C5AR2: variants seen among roughly 807,000 people sequenced by gnomAD.
The protein encoded by C5AR2 is complement C5a receptor 2.
For missense variants in C5AR2, 458 were observed against 467.5 expected, an observed-to-expected ratio of 0.98 and a Z score of 0.19; for synonymous variants, 224 against 216.5, an observed-to-expected ratio of 1.03 and a Z score of -0.30.
chr19:47,335,770 T>TTAAAA (rs1292561661), intron 1 of C5AR2, among the ~76,000 whole-genome samples: 1 of 366 alleles, frequency 2.7e-3, no homozygotes, highest in Non-Finnish European at 6.8e-3. Context: ...ATACTCCGTC[T>TTAAAA]CAAAAAAAAA....
chr19:47,340,579 C>T (rs1461320045), intron 1 of C5AR2, among the ~76,000 whole-genome samples: 3 of 152,096 alleles, frequency 2.0e-5, no homozygotes, highest in Non-Finnish European at 4.4e-5. Flanking sequence ...AAGTGATCCA[C>T]CTGTCTTGGC....
chr19:47,337,389 C>A (rs2059362308), intron 1 of C5AR2, among the ~76,000 whole-genome samples: 1 of 152,144 alleles, frequency 6.6e-6, no homozygotes. Context: ...TAGGGCTGGG[C>A]GCGGTGGCTC....
rs1179469956 is a variant in C5AR2 at position 47,343,894 on chromosome 19, A to C, written c.*2081A>C. On this transcript the variant is annotated 3_prime_UTR_variant, in exon 2 of 2. Coordinates refer to ENST00000595464, the MANE Select transcript of C5AR2 (RefSeq NM_001271749.2). ...ATTTCAAATTTAGTTCCTCGGGCACACTGGCCATAGTTCAAGTGCTCAGTA... is the reference window on the plus strand; with the variant it reads ...ATTTCAAATTTAGTTCCTCGGGCACCCTGGCCATAGTTCAAGTGCTCAGTA... 2.0e-5 allele frequency: 3 copies of C among 152,166 alleles called. No homozygotes were observed. Among genetic ancestry groups the C allele is most frequent in the Admixed American group, 6.6e-5 (1 of 15,252 alleles). The allele number at this position is 152,166 out of a possible 1,614,324, so 9.4% of individuals were successfully genotyped here.
intron 1 of C5AR2, among the ~76,000 whole-genome samples, chr19:47,340,488 C>G (rs997853955): frequency 6.6e-6 from 1 of 151,778 alleles, no homozygotes; most frequent in African/African-American, 2.4e-5. Flanking sequence ...TACAGGTGCC[C>G]GCCACCACAC....
intron 1 of C5AR2, among the ~76,000 whole-genome samples, chr19:47,338,245 A>C (rs1011123344): frequency 6.9e-6 from 1 of 144,142 alleles, no homozygotes. Context: ...ACTGCACTCC[A>C]GCGTTGGCAA....
Position 47,343,724 on chromosome 19 carries a change from G to T in C5AR2, c.*1911G>T, listed in dbSNP as rs1188099941. Reference sequence around the variant, plus strand: ...AGGAGGGAGTTGCTTGAATCCTTCTGCTTCAATCCTCCTTAAAGCAGGTAG... The same window carrying T: ...AGGAGGGAGTTGCTTGAATCCTTCTTCTTCAATCCTCCTTAAAGCAGGTAG... On this transcript the variant is annotated 3_prime_UTR_variant, in exon 2 of 2. Coordinates refer to ENST00000595464, the MANE Select transcript of C5AR2 (RefSeq NM_001271749.2). 1 of 151,926 alleles carries T rather than the reference G, an allele frequency of 6.6e-6. No individual in the cohort carries two copies. Among genetic ancestry groups the T allele is most frequent in the Non-Finnish European group, 1.5e-5 (1 of 68,012 alleles). 9.4% of individuals were successfully genotyped at this position (151,926 alleles called of 1,614,324 possible). A position where few individuals can be genotyped will look rare whatever the true frequency, so the allele number is the denominator to read the frequency against.
At position 47,342,612 on chromosome 19, in the gene C5AR2, A is replaced by G. The variant is rs1012946824; in HGVS notation, c.*799A>G. Reference sequence around the variant, plus strand: ...TAGCCAGGATGGTCTTGATCTCCTGACCTGGTGATCCACCCGCCTCAGCCT... The same window carrying G: ...TAGCCAGGATGGTCTTGATCTCCTGGCCTGGTGATCCACCCGCCTCAGCCT... On this transcript the variant is annotated 3_prime_UTR_variant, in exon 2 of 2. Coordinates refer to ENST00000595464, the MANE Select transcript of C5AR2 (RefSeq NM_001271749.2). 5 of 151,788 alleles carry G rather than the reference A, an allele frequency of 3.3e-5. No individual in the cohort carries two copies. Among genetic ancestry groups the G allele is most frequent in the African/African-American group, 1.2e-4 (5 of 41,334 alleles). 9.4% of individuals were successfully genotyped at this position (151,788 alleles called of 1,614,324 possible). A position where few individuals can be genotyped will look rare whatever the true frequency, so the allele number is the denominator to read the frequency against.
rs1969069812 is a variant in C5AR2, at chr19:47,343,128, G to C, written c.*1315G>C. 1 of 152,172 alleles carries C rather than the reference G, an allele frequency of 6.6e-6. No individual in the cohort carries two copies. The highest frequency in any genetic ancestry group is 2.1e-4 in the South Asian group (1 of 4,828). 9.4% of individuals were successfully genotyped at this position (152,172 alleles called of 1,614,324 possible). On this transcript the variant is annotated 3_prime_UTR_variant, in exon 2 of 2. Transcript: ENST00000595464. ...GAGTCACGAGGGTCCTTTTAAGAGGGAGGCAGGAGGGTCAGGGTCAGTCAC... is the reference window on the plus strand; with the variant it reads ...GAGTCACGAGGGTCCTTTTAAGAGGCAGGCAGGAGGGTCAGGGTCAGTCAC...
intron 1 of C5AR2, among the ~76,000 whole-genome samples, chr19:47,333,514 G>A (rs950684454): frequency 6.6e-6 from 1 of 151,994 alleles, no homozygotes; most frequent in Non-Finnish European, 1.5e-5. Flanking sequence ...GCGGAAAGGA[G>A]GCTGATTGCT....
rs1459478789 is a variant in C5AR2 at position 47,341,250 on chromosome 19, G to A, written c.451G>A (p.Val151Met). 1 of 1,603,222 alleles carries A rather than the reference G, an allele frequency of 6.2e-7. No homozygotes were observed. Among genetic ancestry groups the A allele is most frequent in the Non-Finnish European group, 8.5e-7 (1 of 1,179,862 alleles). ...GTCTACGGTTCAGCGGGCGTGCGGGGTGCAGGTGGCCTGTGGGGCAGCCTG... is the reference window on the plus strand; with the variant it reads ...GTCTACGGTTCAGCGGGCGTGCGGGATGCAGGTGGCCTGTGGGGCAGCCTG... ...WWSTVQRACG[V>M]QVACGAAWTL... Residue 151 changes from valine to methionine, a missense_variant, in exon 2 of 2, where the codon GTG (valine) becomes ATG (methionine). Coordinates refer to ENST00000595464, the MANE Select transcript of C5AR2 (RefSeq NM_001271749.2). This position sits in a 1 kb window ranked among gnomAD's most constrained non-coding sequence, Gnocchi z 4.6.
chr19:47,341,802 A>T lies in C5AR2; in HGVS notation c.1003A>T (p.Met335Leu). ...KSTSHDLVSEMEV is the reference protein window; with the variant it reads ...KSTSHDLVSELEV ...CACCAGCCATGACCTGGTCTCGGAG[A>T]TGGAGGTGTAGGCTGGAGAGACATT... The change falls in exon 2 of 2, where the codon ATG (methionine) becomes TTG (leucine). Residue 335 changes from methionine (M) to leucine (L), a missense_variant. Physicochemically the swap from Met to Leu is conservative, Grantham distance 15 (BLOSUM62 2). Coordinates refer to ENST00000595464, the MANE Select transcript of C5AR2 (RefSeq NM_001271749.2). This position sits in a 1 kb window ranked among gnomAD's most constrained non-coding sequence, Gnocchi z 4.6. The T allele has an allele frequency of 6.2e-7, 1 of 1,613,418 alleles. No individual in the cohort carries two copies. Among genetic ancestry groups the T allele is most frequent in the Non-Finnish European group, 8.5e-7 (1 of 1,179,876 alleles).
At position 47,347,239 on chromosome 19, in the gene C5AR2, G is replaced by A. The variant is rs1969132642; in HGVS notation, c.*5426G>A. 6.6e-6 allele frequency: 1 copy of A among 152,020 alleles called. No homozygotes were observed. Among genetic ancestry groups the A allele is most frequent in the Admixed American group, 6.6e-5 (1 of 15,254 alleles). 9.4% of individuals were successfully genotyped at this position (152,020 alleles called of 1,614,324 possible). On this transcript the variant is annotated 3_prime_UTR_variant, in exon 2 of 2. Transcript: ENST00000595464. ...AAGCTTGCTATACAATCCTATGGTTGATAGACTGTGGCTTTCTTGTTGATT... is the reference window on the plus strand; with the variant it reads ...AAGCTTGCTATACAATCCTATGGTTAATAGACTGTGGCTTTCTTGTTGATT...
intron 1 of C5AR2, among the ~76,000 whole-genome samples, chr19:47,333,099 G>C (rs2059345522): frequency 6.6e-6 from 1 of 152,038 alleles, no homozygotes; most frequent in Admixed American, 6.6e-5. Flanking sequence ...CCGCCTCCCA[G>C]GTTCAAGTGA....
chr19:47,336,746 C>T (rs1361722221), intron 1 of C5AR2, among the ~76,000 whole-genome samples: 8 of 151,600 alleles, frequency 5.3e-5, no homozygotes, highest in African/African-American at 1.2e-4. Context: ...TGGCCTCAAG[C>T]GATCCTTCCT....
intron 1 of C5AR2, among the ~76,000 whole-genome samples, chr19:47,334,784 T>C (rs1372924810): frequency 6.6e-6 from 1 of 152,128 alleles, no homozygotes; most frequent in African/African-American, 2.4e-5. Context: ...AGTGGCGCGA[T>C]CTTGGCTCAC....
chr19:47,337,594 G>A (rs1053360668), intron 1 of C5AR2, among the ~76,000 whole-genome samples: 20 of 151,926 alleles, frequency 1.3e-4, no homozygotes, highest in African/African-American at 4.3e-4. Flanking sequence ...CCCTGGAGGC[G>A]GAGGTTGCAG....
Position 47,347,007 on chromosome 19 carries a change from A to T in C5AR2, c.*5194A>T, listed in dbSNP as rs570726879. On this transcript the variant is annotated 3_prime_UTR_variant, in exon 2 of 2. Coordinates refer to ENST00000595464, the MANE Select transcript of C5AR2 (RefSeq NM_001271749.2). The stretch of plus-strand genomic sequence containing the variant: ...TAGCCCTTCTTTTTTGAACTGGAAT[A>T]CATTTCACGGGAATTTTCAAATTTA... 6 of 152,196 alleles carry T rather than the reference A, an allele frequency of 3.9e-5. No homozygotes were observed. The highest frequency in any genetic ancestry group is 8.8e-5 in the Non-Finnish European group (6 of 68,040). The allele number at this position is 152,196 out of a possible 1,614,324, so 9.4% of individuals were successfully genotyped here. A position where few individuals can be genotyped will look rare whatever the true frequency, so the allele number is the denominator to read the frequency against.
At position 47,341,936 on chromosome 19, in the gene C5AR2, C is replaced by T. The variant is rs1049760663; in HGVS notation, c.*123C>T. Reference sequence around the variant, plus strand: ...ATTCCTTCCTTCATTCAACAGATATCCATCATGCACTTGCTATGTGCAAGG... The same window carrying T: ...ATTCCTTCCTTCATTCAACAGATATTCATCATGCACTTGCTATGTGCAAGG... On this transcript the variant is annotated 3_prime_UTR_variant, in exon 2 of 2. Transcript: ENST00000595464. The surrounding 1 kb of genome is among the most constrained non-coding windows in gnomAD (Gnocchi z 4.6). 16 of 963,450 alleles carry T rather than the reference C, an allele frequency of 1.7e-5. No individual in the cohort carries two copies. The highest frequency in any genetic ancestry group is 2.5e-5 in the Non-Finnish European group (16 of 642,828). 59.7% of individuals were successfully genotyped at this position (963,450 alleles called of 1,614,324 possible). A position where few individuals can be genotyped will look rare whatever the true frequency, so the allele number is the denominator to read the frequency against.
Position 47,341,674 on chromosome 19 carries a change from T to G in C5AR2, c.875T>G (p.Leu292Arg), listed in dbSNP as rs1568671556. Residue 292 changes from leucine to arginine, a missense_variant, in exon 2 of 2, where the codon CTG becomes CGG. By Grantham distance (102) the Leu-to-Arg change is moderately radical. Coordinates refer to ENST00000595464, the MANE Select transcript of C5AR2 (RefSeq NM_001271749.2). The surrounding 1 kb of genome is among the most constrained non-coding windows in gnomAD (Gnocchi z 4.6). ...AGCTGCCTCAATCCCATGCTCTTCC[T>G]GTATTTTGGGAGGGCTCAACTCCGC... ...AHSCLNPMLF[L>R]YFGRAQLRRS... 6.2e-7 allele frequency: 1 copy of G among 1,614,080 alleles called. No homozygotes were observed. The highest frequency in any genetic ancestry group is 2.2e-5 in the East Asian group (1 of 44,870).
Sources: gnomAD v4.1 joint callset for allele counts (sites outside exome capture counted in the v4.1 genomes callset) on GRCh38, gnomAD v4.1.1 for gene constraint, Gnocchi (gnomAD v3.1) non-coding constraint, MANE v1.5 for transcripts, NCBI Gene and HGNC (gene_info 2026-07-23, HGNC 2026-07-21) for gene names.